GRIK2: variants seen among roughly 807,000 people sequenced by gnomAD.
GRIK2 encodes glutamate ionotropic receptor kainate type subunit 2.
A neutral mutation model predicts 100.3 loss-of-function variants in GRIK2; 32 were observed. The ratio of observed to expected loss-of-function variants is 0.32; its 90% CI spans 0.24 to 0.43. GRIK2 has a LOEUF of 0.43. GRIK2 is among the 20% of genes least tolerant of loss of function. The pLI is 1.00. For missense variants in GRIK2, 843 were observed against 1,114.9 expected, an observed-to-expected ratio of 0.76 and a Z score of 3.47; for synonymous variants, 417 against 389.4, an observed-to-expected ratio of 1.07 and a Z score of -0.83.
chr6:101,416,956 A>G (rs1776169381), intron 2 of GRIK2, among the ~76,000 whole-genome samples: 1 of 152,170 alleles, frequency 6.6e-6, no homozygotes, highest in South Asian at 2.1e-4. Flanking sequence ...TAGTGCAGCA[A>G]AAATGCCTAA....
chr6:101,989,459 ATTC>A (rs1331777649), intron 14 of GRIK2, among the ~76,000 whole-genome samples: 2 of 151,704 alleles, frequency 1.3e-5, no homozygotes, highest in African/African-American at 4.8e-5. Context: ...AGATTTTTAA[ATTC>A]TTCATGTCAC....
At chr6:102,026,969 G>A (rs1221594686) in intron 14 of GRIK2, among the ~76,000 whole-genome samples, 3 of 151,158 alleles carry the variant, frequency 2.0e-5, no homozygotes, top group Non-Finnish European at 4.4e-5. Context: ...GTCCAGATAG[G>A]GCTCAGCTGT....
chr6:101,626,352 T>A, intron 3 of GRIK2, 28 bp from the exon 4 acceptor site: 2 of 1,594,042 alleles, frequency 1.3e-6, no homozygotes, highest in South Asian at 2.2e-5. Flanking sequence ...CTCCTCTCAT[T>A]ATTGACAGAC....
intron 2 of GRIK2, among the ~76,000 whole-genome samples, chr6:101,594,288 C>A (rs1019632105): frequency 6.6e-6 from 1 of 151,718 alleles, no homozygotes; most frequent in African/African-American, 2.4e-5. Flanking sequence ...TCCGAATTTT[C>A]TTTCAGAGAG....
intron 12 of GRIK2, among the ~76,000 whole-genome samples, chr6:101,916,659 T>C (rs918702146): frequency 1.3e-5 from 2 of 151,660 alleles, no homozygotes; most frequent in East Asian, 1.9e-4. Flanking sequence ...TCAAACCTTC[T>C]GTGCACTTCA....
intron 7 of GRIK2, among the ~76,000 whole-genome samples, chr6:101,786,057 T>G (rs1175341316): frequency 6.6e-6 from 1 of 152,064 alleles, no homozygotes; most frequent in Admixed American, 6.6e-5. Context: ...ATTCCTAAGG[T>G]TTTTTACTTT....
chr6:102,042,201 C>T (rs537466036), intron 15 of GRIK2, among the ~76,000 whole-genome samples: 1 of 151,580 alleles, frequency 6.6e-6, no homozygotes, highest in Non-Finnish European at 1.5e-5. Context: ...TCTCTAAAGA[C>T]ATGTTTAGTA....
chr6:101,710,763 T>A (rs528589833), intron 7 of GRIK2, among the ~76,000 whole-genome samples: 3 of 151,898 alleles, frequency 2.0e-5, no homozygotes, highest in African/African-American at 7.2e-5. Context: ...CTCAGCACCA[T>A]GCTTTGTTGA....
chr6:101,402,252 A>G (rs1775353537), intron 2 of GRIK2, among the ~76,000 whole-genome samples: 1 of 152,096 alleles, frequency 6.6e-6, no homozygotes, highest in Admixed American at 6.5e-5. Context: ...ACATACACAC[A>G]CACACATTCT....
chr6:101,430,447 G>T, intron 2 of GRIK2: 1 of 215,230 alleles, frequency 4.6e-6, no homozygotes, highest in South Asian at 8.5e-5. Flanking sequence ...AGGTGGAAAG[G>T]GAGGCCAGCA....
intron 14 of GRIK2, among the ~76,000 whole-genome samples, chr6:102,009,077 T>C (rs996611788): frequency 1.3e-5 from 2 of 152,100 alleles, no homozygotes; most frequent in Admixed American, 1.3e-4. Context: ...TTTGAGAATG[T>C]ATATCTAAGT....
intron 2 of GRIK2, 114 bp from the exon 3 acceptor site, chr6:101,621,835 G>A (rs1045255888): frequency 2.4e-5 from 17 of 703,086 alleles, no homozygotes; most frequent in African/African-American, 9.0e-5. Context: ...ACACACACAC[G>A]CAAATGCACT....
At chr6:101,759,693 T>A (rs1777362476) in intron 7 of GRIK2, among the ~76,000 whole-genome samples, 1 of 151,982 alleles carries the variant, frequency 6.6e-6, no homozygotes, top group Non-Finnish European at 1.5e-5. Context: ...TTAATATTAG[T>A]TTTTAATGAT....
intron 2 of GRIK2, among the ~76,000 whole-genome samples, chr6:101,413,061 G>A (rs1775956575): frequency 6.6e-6 from 1 of 151,968 alleles, no homozygotes; most frequent in African/African-American, 2.4e-5. Context: ...ACAAAACTAG[G>A]ATAGAATTTT....
chr6:101,644,504 A>G lies in GRIK2; in HGVS notation c.541+17867A>G, dbSNP rs192997666. On this transcript the variant is annotated intron_variant, in intron 4 of 16. Transcript: ENST00000369134. ...CAGAGCATATAACCATATAAGACTA[A>G]AGTAGGTTAGTCACCAGCAGCCCTG... is the stretch of plus-strand genomic sequence containing the variant. Among the ~76,000 whole-genome samples the G allele has an allele frequency of 1.6e-3, 248 of 151,844 alleles. 3 individuals are homozygous for G. Among genetic ancestry groups the G allele is most frequent in the Admixed American group, 0.015 (228 of 15,186 alleles).
intron 11 of GRIK2, among the ~76,000 whole-genome samples, chr6:101,877,524 C>T (rs988453376): frequency 2.0e-5 from 3 of 151,828 alleles, no homozygotes; most frequent in East Asian, 3.9e-4. Flanking sequence ...TTTTGGTATT[C>T]GACAGGGGCC....
intron 2 of GRIK2, among the ~76,000 whole-genome samples, chr6:101,483,713 T>C (rs1772659354): frequency 6.6e-6 from 1 of 152,116 alleles, no homozygotes; most frequent in Admixed American, 6.5e-5. Flanking sequence ...GTAGCTGGGA[T>C]TACAGGTGCC....
At chr6:101,680,878 ATAAG>A (rs1771191615) in intron 5 of GRIK2, among the ~76,000 whole-genome samples, 1 of 152,204 alleles carries the variant, frequency 6.6e-6, no homozygotes, top group South Asian at 2.1e-4. Context: ...ATTGGTTTAT[ATAAG>A]TATTACCCAC....
At chr6:101,979,989 T>C (rs1793617542) in intron 14 of GRIK2, among the ~76,000 whole-genome samples, 2 of 151,930 alleles carry the variant, frequency 1.3e-5, no homozygotes, top group East Asian at 3.9e-4. Flanking sequence ...CAGGAAAGTA[T>C]GTAACTGGAG....
Sources: allele counts gnomAD v4.1 joint callset (sites outside exome capture counted in the v4.1 genomes callset), GRCh38; gene constraint gnomAD v4.1.1; transcripts MANE v1.5; gene names NCBI Gene and HGNC (gene_info 2026-07-23, HGNC 2026-07-21).